NPAS2: variants seen among roughly 807,000 people sequenced by gnomAD.
NPAS2 encodes the protein neuronal PAS domain protein 2.
Under a neutral mutation model 107.5 loss-of-function variants are expected in NPAS2, and 23 were observed. That is an observed-to-expected ratio of 0.21 (90% CI 0.15 to 0.30). The LOEUF (loss-of-function observed/expected upper bound fraction) is 0.30, where lower values mean the gene tolerates loss of function less well. NPAS2 is among the 10% of genes least tolerant of loss of function. The pLI, the probability that NPAS2 is intolerant of heterozygous loss-of-function variation, is 1.00. For missense variants in NPAS2, 756 were observed against 1,043.3 expected (o/e 0.72, Z 3.79); for synonymous variants, 403 against 417.5 (o/e 0.97, Z 0.42).
chr2:100,905,497 C>T (rs1257806984), intron 2 of NPAS2, among the ~76,000 whole-genome samples: 1 of 151,884 alleles, frequency 6.6e-6, no homozygotes, highest in Non-Finnish European at 1.5e-5. Flanking sequence ...ACACGATTCA[C>T]CCAAGTCGGC....
At chr2:100,920,191 C>T (rs747493796) in intron 2 of NPAS2, among the ~76,000 whole-genome samples, 19 of 152,114 alleles carry the variant, frequency 1.2e-4, no homozygotes, top group Non-Finnish European at 2.6e-4. Flanking sequence ...GGGTAGAAAG[C>T]TTCAGTTAGA....
chr2:100,909,554 G>A (rs1184966324), intron 2 of NPAS2, among the ~76,000 whole-genome samples: 2 of 152,224 alleles, frequency 1.3e-5, no homozygotes, highest in Non-Finnish European at 1.5e-5. Flanking sequence ...TGCAGGCACA[G>A]TGCAGTGAGA....
intron 1 of NPAS2, among the ~76,000 whole-genome samples, chr2:100,852,129 G>T (rs991332100): frequency 6.6e-6 from 1 of 152,202 alleles, no homozygotes; most frequent in African/African-American, 2.4e-5. Flanking sequence ...GGGCACGGTG[G>T]CTCCTGCCTG....
rs889872816 is a variant in NPAS2, at chr2:100,995,933, C to G, written c.*351C>G. On this transcript the variant is annotated 3_prime_UTR_variant, in exon 21 of 21. Transcript: ENST00000335681. Reference sequence around the variant, plus strand: ...CACCGGTTGCTCTAGCCACCTGCGGCCCGCCCATCTGCGCTAGCTGGCCTT... The same window carrying G: ...CACCGGTTGCTCTAGCCACCTGCGGGCCGCCCATCTGCGCTAGCTGGCCTT... 2 of 1,393,650 alleles carry G rather than the reference C, an allele frequency of 1.4e-6. No individual in the cohort carries two copies. Among genetic ancestry groups the G allele is most frequent in the Admixed American group, 4.3e-5 (2 of 46,372 alleles). 86.3% of individuals were successfully genotyped at this position (1,393,650 alleles called of 1,614,324 possible). A position where few individuals can be genotyped will look rare whatever the true frequency, so the allele number is the denominator to read the frequency against.
intron 5 of NPAS2, among the ~76,000 whole-genome samples, chr2:100,939,969 A>G (rs1674481454): frequency 6.6e-6 from 1 of 152,202 alleles, no homozygotes; most frequent in South Asian, 2.1e-4. Flanking sequence ...CCATGCCCAG[A>G]CACATACAGT....
chr2:100,897,059 G>A (rs1244891377), intron 1 of NPAS2, among the ~76,000 whole-genome samples: 1 of 152,148 alleles, frequency 6.6e-6, no homozygotes, highest in East Asian at 1.9e-4. Flanking sequence ...TCACATGATG[G>A]CAGGAAGGAG....
At chr2:100,878,181 C>T (rs1490463555) in intron 1 of NPAS2, 25 of 985,180 alleles carry the variant, frequency 2.5e-5, no homozygotes, top group Admixed American at 1.2e-4. Context: ...TGCGTGTGGC[C>T]GTGCAAGGAG....
chr2:100,846,338 T>C (rs796777615), intron 1 of NPAS2, among the ~76,000 whole-genome samples: 4 of 152,358 alleles, frequency 2.6e-5, no homozygotes, highest in African/African-American at 9.6e-5. Context: ...TATTAAAGTT[T>C]TATAAATAAA....
At position 100,976,666 on chromosome 2, in the gene NPAS2, C is replaced by T. The variant is rs1677030040; in HGVS notation, c.1393-1044C>T. The T allele has an allele frequency of 6.6e-6, 1 of 152,132 alleles. No homozygotes were observed. The highest frequency in any genetic ancestry group is 2.4e-5 in the African/African-American group (1 of 41,416). 9.4% of individuals were successfully genotyped at this position (152,132 alleles called of 1,614,324 possible). A position where few individuals can be genotyped will look rare whatever the true frequency, so the allele number is the denominator to read the frequency against. Reference sequence around the variant, plus strand: ...GGCTGTGCACACCCTGCTTGAGAAGCTTGGGCGATGCGTTTTATTTTCAAG... The same window carrying T: ...GGCTGTGCACACCCTGCTTGAGAAGTTTGGGCGATGCGTTTTATTTTCAAG... On this transcript the variant is annotated intron_variant, in intron 14 of 20. Coordinates refer to ENST00000335681, the MANE Select transcript of NPAS2 (RefSeq NM_002518.4). This position sits in a 1 kb window ranked among gnomAD's most constrained non-coding sequence, Gnocchi z 4.1.
intron 2 of NPAS2, among the ~76,000 whole-genome samples, chr2:100,913,863 A>G (rs944752022): frequency 6.6e-6 from 1 of 152,180 alleles, no homozygotes; most frequent in Non-Finnish European, 1.5e-5. Context: ...CTGCATGCTC[A>G]AAGTATTCTT....
At chr2:100,822,284 G>A (rs1490637987) in intron 1 of NPAS2, among the ~76,000 whole-genome samples, 3 of 152,224 alleles carry the variant, frequency 2.0e-5, no homozygotes, top group African/African-American at 2.4e-5. Flanking sequence ...GGTCTGATGA[G>A]AGAGTGTTCA....
At chr2:100,904,585 T>C (rs978170348) in intron 1 of NPAS2, 148 bp from the exon 2 acceptor site, 2 of 616,404 alleles carry the variant, frequency 3.2e-6, no homozygotes, top group Admixed American at 3.0e-5. Context: ...TCAGTCCATT[T>C]TGAGAGTGTA....
chr2:100,907,489 A>AACACACACACACACACACAC (rs55951417), intron 2 of NPAS2, among the ~76,000 whole-genome samples: 1 of 144,678 alleles, frequency 6.9e-6, no homozygotes, highest in Non-Finnish European at 1.5e-5. Context: ...AACACTTGGG[A>AACACACACACACACACACAC]ACACACACAC....
At chr2:100,978,826 C>T (rs756690428) in intron 15 of NPAS2, among the ~76,000 whole-genome samples, 13 of 152,282 alleles carry the variant, frequency 8.5e-5, no homozygotes, top group East Asian at 1.9e-4. Context: ...GAGTTGGCCC[C>T]GGAAAGGTGG....
intron 7 of NPAS2, among the ~76,000 whole-genome samples, chr2:100,959,066 A>C (rs1476242697): frequency 8.8e-5 from 13 of 146,968 alleles, no homozygotes; most frequent in African/African-American, 3.3e-4. Flanking sequence ...CAGCCTGGGC[A>C]ACATGGTGAA....
chr2:100,836,888 T>A (rs1406803922), intron 1 of NPAS2, among the ~76,000 whole-genome samples: 2 of 152,164 alleles, frequency 1.3e-5, no homozygotes, highest in Non-Finnish European at 2.9e-5. Context: ...GAAAAGAACA[T>A]GAGATGAGGT....
chr2:100,876,862 C>G lies in NPAS2; in HGVS notation c.-22-27871C>G, dbSNP rs575396774. Among the ~76,000 whole-genome samples, 15 of 152,306 alleles carry G rather than the reference C, an allele frequency of 9.8e-5. No individual in the cohort carries two copies. The East Asian group carries it at 2.3e-3, about 24-fold the overall frequency. On this transcript the variant is annotated intron_variant, in intron 1 of 20. Coordinates refer to ENST00000335681, the MANE Select transcript of NPAS2 (RefSeq NM_002518.4). ...GGAGGTGGACGTCTGCCCTTAAGCA[C>G]TCAGGGTTCAAGAAATGCTGCAAAG...
chr2:100,868,619 G>A (rs1679385583), intron 1 of NPAS2, among the ~76,000 whole-genome samples: 1 of 152,126 alleles, frequency 6.6e-6, no homozygotes, highest in African/African-American at 2.4e-5. Context: ...TTTTGCATGT[G>A]TTAGGTCACT....
intron 1 of NPAS2, among the ~76,000 whole-genome samples, chr2:100,894,228 C>G (rs960346279): frequency 2.6e-5 from 4 of 152,192 alleles, no homozygotes; most frequent in South Asian, 2.1e-4. Flanking sequence ...TCACTTTTGT[C>G]CTTTGCTTCA....
Sources: gnomAD v4.1 joint callset for allele counts (sites outside exome capture counted in the v4.1 genomes callset) on GRCh38, gnomAD v4.1.1 for gene constraint, Gnocchi (gnomAD v3.1) non-coding constraint, MANE v1.5 for transcripts, NCBI Gene and HGNC (gene_info 2026-07-23, HGNC 2026-07-21) for gene names.